Variants in SUGCT observed in about 807,000 individuals in gnomAD.
SUGCT encodes the protein succinyl-CoA:glutarate CoA-transferase.
SUGCT carries 41 observed loss-of-function variants against 55.0 expected under a neutral mutation model. The ratio of observed to expected loss-of-function variants is 0.74; its 90% CI spans 0.58 to 0.97. The LOEUF (loss-of-function observed/expected upper bound fraction) is 0.97. SUGCT is among the 50% of genes least tolerant of loss of function. SUGCT has a pLI of 0.00. For missense variants in SUGCT, 568 were observed against 547.8 expected (o/e 1.04, Z -0.37); for synonymous variants, 187 against 200.4 (o/e 0.93, Z 0.56).
chr7:40,419,833 A>T (rs774409321), intron 9 of SUGCT, among the ~76,000 whole-genome samples: 2 of 152,166 alleles, frequency 1.3e-5, no homozygotes, highest in Non-Finnish European at 2.9e-5. Flanking sequence ...AAAAAGAAAA[A>T]AACTTTATTA....
intron 13 of SUGCT, among the ~76,000 whole-genome samples, chr7:40,807,586 C>G (rs2128754538): frequency 6.6e-6 from 1 of 152,290 alleles, no homozygotes; most frequent in Admixed American, 6.5e-5. Flanking sequence ...GCTGGACAAA[C>G]AGAGGCTCAG....
chr7:40,992,747 T>G, the SUGCT span, among the ~76,000 whole-genome samples: 1 of 152,198 alleles, frequency 6.6e-6, no homozygotes, highest in East Asian at 1.9e-4. Flanking sequence ...CAGCCACACC[T>G]AGCAGTAATT....
intron 13 of SUGCT, among the ~76,000 whole-genome samples, chr7:40,819,794 T>G (rs1791882045): frequency 6.6e-6 from 1 of 152,256 alleles, no homozygotes; most frequent in South Asian, 2.1e-4. Context: ...TGGCTTTTGT[T>G]GCTGTTGCTT....
intron 1 of SUGCT, among the ~76,000 whole-genome samples, chr7:40,139,127 AAAATAAATAAATAAAT>A (rs56301316): frequency 9.5e-4 from 133 of 140,566 alleles, no homozygotes; most frequent in Middle Eastern, 3.5e-3. Context: ...CTCTGGCTCA[AAAATAAATAAATAAAT>A]AAATAAATAA....
At chr7:40,970,252 A>G in the SUGCT span, among the ~76,000 whole-genome samples, 1 of 152,070 alleles carries the variant, frequency 6.6e-6, no homozygotes, top group South Asian at 2.1e-4. Flanking sequence ...ACTCACTGCA[A>G]TCTCTGCCTC....
chr7:40,696,993 G>A (rs1159969364), intron 12 of SUGCT, among the ~76,000 whole-genome samples: 2 of 152,168 alleles, frequency 1.3e-5, no homozygotes, highest in Non-Finnish European at 2.9e-5. Flanking sequence ...TGTAATTAGT[G>A]TGTAATTAAC....
intron 1 of SUGCT, among the ~76,000 whole-genome samples, chr7:40,179,579 G>A (rs188079731): frequency 2.3e-4 from 35 of 152,290 alleles, no homozygotes; most frequent in African/African-American, 7.2e-4. Context: ...CACCATGCCC[G>A]GCCAGTTGGG....
chr7:40,734,995 G>A (rs77716228), intron 12 of SUGCT, among the ~76,000 whole-genome samples: 2,905 of 152,236 alleles, frequency 0.019, 90 homozygotes, highest in African/African-American at 0.067. Context: ...ACTCACAGGT[G>A]TCCCACTGGG....
At position 40,398,903 on chromosome 7, in the gene SUGCT, A is replaced by C. The variant is rs75819990; in HGVS notation, c.817-50384A>C. Among the ~76,000 whole-genome samples the C allele has an allele frequency of 1.2e-4, 19 of 152,280 alleles. 1 individual carries two copies. The East Asian group carries it at 3.3e-3, about 26-fold the overall frequency. On this transcript the variant is annotated intron_variant, in intron 9 of 13. Coordinates refer to ENST00000335693, the MANE Select transcript of SUGCT (RefSeq NM_001193313.2). ...ATTGAGCCTTCATGCTTGAAAATTG[A>C]ATGTGTACTACATACTTCTCATATC...
chr7:40,555,113 C>T (rs1030713792), intron 12 of SUGCT, among the ~76,000 whole-genome samples: 6 of 152,060 alleles, frequency 3.9e-5, no homozygotes, highest in African/African-American at 1.4e-4. Context: ...TACGGCCTGC[C>T]CTCATCCTCT....
chr7:40,867,818 T>A, the SUGCT span, among the ~76,000 whole-genome samples: 1 of 152,216 alleles, frequency 6.6e-6, no homozygotes, highest in Non-Finnish European at 1.5e-5. Flanking sequence ...TAGTCCCCTG[T>A]GCTTATCTGA....
At chr7:40,534,448 G>A (rs1794249894) in intron 12 of SUGCT, among the ~76,000 whole-genome samples, 1 of 151,892 alleles carries the variant, frequency 6.6e-6, no homozygotes, top group Admixed American at 6.6e-5. Flanking sequence ...GCAGTGGCAC[G>A]ATCTTGGCTC....
intron 12 of SUGCT, among the ~76,000 whole-genome samples, chr7:40,605,785 G>T (rs1007658021): frequency 6.6e-6 from 1 of 152,206 alleles, no homozygotes; most frequent in African/African-American, 2.4e-5. Context: ...AAAGATATTT[G>T]TATGTTTGAA....
intron 12 of SUGCT, among the ~76,000 whole-genome samples, chr7:40,547,432 A>G (rs533259753): frequency 1.3e-5 from 2 of 152,302 alleles, no homozygotes; most frequent in Non-Finnish European, 2.9e-5. Context: ...TATAATGGCT[A>G]TGTCTTTTTT....
At chr7:40,326,302 G>A (rs1050823165) in intron 9 of SUGCT, among the ~76,000 whole-genome samples, 1 of 152,122 alleles carries the variant, frequency 6.6e-6, no homozygotes, top group Admixed American at 6.5e-5. Flanking sequence ...ATTGTACTAA[G>A]TGTTTTGTGC....
At chr7:40,290,918 C>T (rs1182092796) in intron 8 of SUGCT, among the ~76,000 whole-genome samples, 1 of 152,232 alleles carries the variant, frequency 6.6e-6, no homozygotes, top group African/African-American at 2.4e-5. Flanking sequence ...CTTGTCATTA[C>T]TGGCCATCAG....
the SUGCT span, among the ~76,000 whole-genome samples, chr7:41,019,245 G>A: frequency 6.6e-6 from 1 of 152,116 alleles, no homozygotes; most frequent in African/African-American, 2.4e-5. Context: ...TGAAGTTGTT[G>A]GATCCAGGTG....
intron 12 of SUGCT, among the ~76,000 whole-genome samples, chr7:40,711,025 C>A (rs1785684827): frequency 6.6e-6 from 1 of 152,134 alleles, no homozygotes; most frequent in African/African-American, 2.4e-5. Context: ...AGGTCTGGAG[C>A]ACTGTTTAAC....
intron 8 of SUGCT, among the ~76,000 whole-genome samples, chr7:40,294,369 T>C (rs932725461): frequency 6.6e-6 from 1 of 152,156 alleles, no homozygotes; most frequent in Non-Finnish European, 1.5e-5. Context: ...TTTAGGAGTG[T>C]TTAGGAGCTC....
Sources: gnomAD v4.1 joint callset for allele counts (sites outside exome capture counted in the v4.1 genomes callset) on GRCh38, gnomAD v4.1.1 for gene constraint, MANE v1.5 for transcripts, NCBI Gene and HGNC (gene_info 2026-07-23, HGNC 2026-07-21) for gene names.